The following CREB5 variants were observed in gnomAD, a reference collection of about 807,000 sequenced individuals.
The protein encoded by CREB5 is cAMP responsive element binding protein 5, also known as cyclic AMP-responsive element-binding protein 5.
A neutral mutation model predicts 57.1 loss-of-function variants in CREB5; 19 were observed. That is an observed-to-expected ratio of 0.33 (90% CI 0.23 to 0.49). CREB5 has a LOEUF of 0.49. CREB5 is among the 20% of genes least tolerant of loss of function. The pLI is 0.99. For synonymous variants in CREB5, 238 were observed against 238.3 expected, an observed-to-expected ratio of 1.00 and a Z score of 0.01; for missense variants, 579 against 671.6, an observed-to-expected ratio of 0.86 and a Z score of 1.52.
chr7:28,437,612 G>A lies in CREB5; in HGVS notation c.3+24695G>A, dbSNP rs746847599. 3.4e-4 allele frequency among the ~76,000 whole-genome samples: 51 copies of A among 152,172 alleles called. 1 individual carries two copies. Among genetic ancestry groups the A allele is most frequent in the Non-Finnish European group, 5.6e-4 (38 of 67,990 alleles). On this transcript the variant is annotated intron_variant, in intron 1 of 10. Transcript: ENST00000357727. ...ATTAATTTCAAGAAGTACAATAAAA[G>A]CACAGCTAATTTTACCTAACAACAG... is the stretch of plus-strand genomic sequence containing the variant.
intron 5 of CREB5, among the ~76,000 whole-genome samples, chr7:28,633,042 G>C (rs1798265474): frequency 6.6e-6 from 1 of 152,098 alleles, no homozygotes; most frequent in African/African-American, 2.4e-5. Context: ...TCCTGTTCCA[G>C]GTACTTCTTC....
At chr7:28,584,189 C>T (rs1249638275) in intron 5 of CREB5, among the ~76,000 whole-genome samples, 2 of 152,144 alleles carry the variant, frequency 1.3e-5, no homozygotes, top group African/African-American at 4.8e-5. Flanking sequence ...TTACTTCTTC[C>T]TCCTTCACAG....
chr7:28,428,019 G>A (rs1031648386), intron 1 of CREB5, among the ~76,000 whole-genome samples: 1 of 152,096 alleles, frequency 6.6e-6, no homozygotes, highest in African/African-American at 2.4e-5. Context: ...TGGATCAAGT[G>A]TTCTCTTTCA....
intron 1 of CREB5, among the ~76,000 whole-genome samples, chr7:28,430,541 A>G (rs966462898): frequency 5.3e-5 from 8 of 152,206 alleles, no homozygotes; most frequent in Admixed American, 3.9e-4. Flanking sequence ...GTTATGATTG[A>G]TGTAGCAAAA....
intron 1 of CREB5, among the ~76,000 whole-genome samples, chr7:28,429,629 TG>T (rs1319762611): frequency 6.6e-6 from 1 of 152,158 alleles, no homozygotes; most frequent in East Asian, 1.9e-4. Flanking sequence ...GGGCTGTGAT[TG>T]GGGGTGGAAT....
At chr7:28,404,403 C>T (rs1416179964) in intron 1 of CREB5, among the ~76,000 whole-genome samples, 2 of 152,124 alleles carry the variant, frequency 1.3e-5, no homozygotes, top group Non-Finnish European at 1.5e-5. Context: ...CCTCTCCCAT[C>T]CCACTCAGTC....
chr7:28,724,147 C>T (rs1803198817), intron 6 of CREB5, 75 bp from the exon 7 acceptor site: 1 of 1,268,808 alleles, frequency 7.9e-7, no homozygotes, highest in South Asian at 1.3e-5. Flanking sequence ...ATCCATTGGA[C>T]AGAAAAGTGC....
chr7:28,780,309 A>T (rs560070124), intron 7 of CREB5, among the ~76,000 whole-genome samples: 35 of 152,346 alleles, frequency 2.3e-4, no homozygotes, highest in South Asian at 1.7e-3. Flanking sequence ...TGCCAGAGTC[A>T]ATGTACTCTG....
chr7:28,598,752 T>C (rs1370717899), intron 5 of CREB5, among the ~76,000 whole-genome samples: 1 of 152,168 alleles, frequency 6.6e-6, no homozygotes, highest in Non-Finnish European at 1.5e-5. Context: ...TGAGGTGACC[T>C]GATGTTAAGA....
intron 1 of CREB5, among the ~76,000 whole-genome samples, chr7:28,367,538 G>C (rs931633621): frequency 6.6e-6 from 1 of 152,164 alleles, no homozygotes; most frequent in Non-Finnish European, 1.5e-5. Flanking sequence ...GGCCGGGCAC[G>C]GTAGCTCATA....
chr7:28,638,081 A>G (rs1798494523), intron 5 of CREB5, among the ~76,000 whole-genome samples: 1 of 152,116 alleles, frequency 6.6e-6, no homozygotes, highest in South Asian at 2.1e-4. Flanking sequence ...ATTTTTAATT[A>G]ATGGTCTCTC....
At chr7:28,560,889 T>TGCGTGC (rs1310018316) in intron 4 of CREB5, among the ~76,000 whole-genome samples, 260 of 18,186 alleles carry the variant, frequency 0.014, 22 homozygotes, top group Non-Finnish European at 0.019. Flanking sequence ...CGTGCGTGCG[T>TGCGTGC]GTGTGTGCGT....
At chr7:28,686,137 A>G in intron 5 of CREB5, 1 of 1,613,732 alleles carries the variant, frequency 6.2e-7, no homozygotes, top group South Asian at 1.1e-5. Context: ...ACACACACTC[A>G]TTCCAGAGCT....
At chr7:28,319,051 TG>T (rs1785438092) in intron 1 of CREB5, among the ~76,000 whole-genome samples, 1 of 152,146 alleles carries the variant, frequency 6.6e-6, no homozygotes, top group African/African-American at 2.4e-5. Context: ...GAGTGACATA[TG>T]GGGTCATTCC....
At chr7:28,798,365 A>AGGGTGGGTGTGGGTGGGTGT (rs3831527) in intron 7 of CREB5, among the ~76,000 whole-genome samples, 3 of 142,810 alleles carry the variant, frequency 2.1e-5, no homozygotes, top group Admixed American at 6.9e-5. Context: ...TAAATTGCCC[A>AGGGTGGGTGTGGGTGGGTGT]GGGTGGGTGT....
chr7:28,737,022 T>A (rs1804022181), intron 7 of CREB5, among the ~76,000 whole-genome samples: 1 of 152,006 alleles, frequency 6.6e-6, no homozygotes, highest in Admixed American at 6.6e-5. Context: ...CCCAGACCTG[T>A]GGAGCAAATG....
rs549422458 is a variant in CREB5 at position 28,549,489 on chromosome 7, C to T, written c.292-20876C>T. On this transcript the variant is annotated intron_variant, in intron 4 of 10. Coordinates refer to ENST00000357727, the MANE Select transcript of CREB5 (RefSeq NM_182898.4). ...TAAGACTGAAATTTCTCCTAGGGATCGCATCTGGTATTTAGTACCTACACA... is the reference window on the plus strand; with the variant it reads ...TAAGACTGAAATTTCTCCTAGGGATTGCATCTGGTATTTAGTACCTACACA... 6.6e-5 allele frequency among the ~76,000 whole-genome samples: 10 copies of T among 152,272 alleles called. No individual in the cohort carries two copies. The South Asian group carries it at 1.5e-3, about 22-fold the overall frequency.
chr7:28,362,037 C>A (rs1271657769), intron 1 of CREB5, among the ~76,000 whole-genome samples: 2 of 152,192 alleles, frequency 1.3e-5, no homozygotes, highest in African/African-American at 2.4e-5. Flanking sequence ...GAACCCTTTA[C>A]ATTTGGCTAA....
intron 1 of CREB5, among the ~76,000 whole-genome samples, chr7:28,387,714 G>A (rs1475274418): frequency 6.6e-6 from 1 of 152,024 alleles, no homozygotes; most frequent in African/African-American, 2.4e-5. Flanking sequence ...GGAATGATCT[G>A]TGCAGCAAAC....
Sources: allele counts gnomAD v4.1 joint callset (sites outside exome capture counted in the v4.1 genomes callset), GRCh38; gene constraint gnomAD v4.1.1; transcripts MANE v1.5; gene names NCBI Gene and HGNC (gene_info 2026-07-23, HGNC 2026-07-21).